GLYATL2: variants seen among roughly 807,000 people sequenced by gnomAD.
GLYATL2 encodes the protein glycine-N-acyltransferase like 2, also known as glycine N-acyltransferase-like protein 2.
Under a neutral mutation model 21.4 loss-of-function variants are expected in GLYATL2, and 25 were observed. The observed-to-expected ratio is 1.17, with a 90% CI of 0.85 to 1.63. The LOEUF (loss-of-function observed/expected upper bound fraction) is 1.63, where lower values mean the gene tolerates loss of function less well. Ranked by LOEUF, GLYATL2 falls within the 40% of genes most tolerant of loss-of-function variation. The pLI, the probability that GLYATL2 is intolerant of heterozygous loss-of-function variation, is 0.00. For missense variants in GLYATL2, 361 were observed against 343.3 expected, an observed-to-expected ratio of 1.05 and a Z score of -0.41; for synonymous variants, 114 against 118.2, an observed-to-expected ratio of 0.96 and a Z score of 0.23.
At chr11:58,847,006 C>T (rs1478816404), upstream of GLYATL2, among the ~76,000 whole-genome samples, 9 of 152,056 alleles carry the variant, frequency 5.9e-5, no homozygotes, top group Non-Finnish European at 5.9e-5. Context: ...AGCTCAGCCA[C>T]AACAGGATAA....
At chr11:58,849,713 A>G (rs1036060623) in intron 1 of GLYATL2, among the ~76,000 whole-genome samples, 36 of 152,336 alleles carry the variant, frequency 2.4e-4, no homozygotes, top group African/African-American at 8.2e-4. Flanking sequence ...GCATGTTCTC[A>G]CTTATAAGTG....
chr11:58,850,692 G>A lies in GLYATL2; in HGVS notation n.61-12324C>T, dbSNP rs149074228. On this transcript the variant is annotated intron_variant and non_coding_transcript_variant, in intron 1 of 4. Transcript: ENST00000533636. ...CATTACCAAGTGGACATGGTCTAGC[G>A]GTAGCATCAGTGCCAAGGAAAAGCA... Among the ~76,000 whole-genome samples, 984 of 151,790 alleles carry A rather than the reference G, an allele frequency of 6.5e-3. 24 individuals carry two copies. The highest frequency in any genetic ancestry group is 0.055 in the Admixed American group (839 of 15,236).
At chr11:58,891,668 G>T (rs1854546181) in intron 1 of GLYATL2, among the ~76,000 whole-genome samples, 1 of 152,128 alleles carries the variant, frequency 6.6e-6, no homozygotes, top group Non-Finnish European at 1.5e-5. Flanking sequence ...AAAAATTAGA[G>T]AAATCACAGT....
At chr11:58,852,554 G>C (rs542213119) in intron 1 of GLYATL2, among the ~76,000 whole-genome samples, 21 of 152,220 alleles carry the variant, frequency 1.4e-4, no homozygotes, top group African/African-American at 5.1e-4. Context: ...ACATTTTATG[G>C]AGCAGGAAAT....
intron 1 of GLYATL2, among the ~76,000 whole-genome samples, chr11:58,851,314 C>A (rs1221245110): frequency 3.3e-5 from 5 of 152,144 alleles, no homozygotes; most frequent in Non-Finnish European, 7.3e-5. Context: ...GTGGGGCTGG[C>A]CACTACCCTT....
chr11:58,835,939 A>C (rs182235951), intron 5 of GLYATL2, among the ~76,000 whole-genome samples: 1 of 152,276 alleles, frequency 6.6e-6, no homozygotes, highest in African/African-American at 2.4e-5. Context: ...GGATTTGAAG[A>C]GTGTTGACTT....
At chr11:58,871,766 C>T (rs1283212691) in intron 1 of GLYATL2, among the ~76,000 whole-genome samples, 1 of 152,014 alleles carries the variant, frequency 6.6e-6, no homozygotes, top group African/African-American at 2.4e-5. Flanking sequence ...GTCTTTATAG[C>T]AGCATGATTT....
chr11:58,906,643 G>A (rs1854894191), upstream of GLYATL2, among the ~76,000 whole-genome samples: 1 of 152,138 alleles, frequency 6.6e-6, no homozygotes, highest in South Asian at 2.1e-4. Flanking sequence ...ATTTCTCCCC[G>A]GGGCAGAGAT....
chr11:58,846,567 T>C (rs956894039), upstream of GLYATL2, among the ~76,000 whole-genome samples: 1 of 151,792 alleles, frequency 6.6e-6, no homozygotes, highest in African/African-American at 2.4e-5. Flanking sequence ...CTCATTGCTG[T>C]CATGTTAGAC....
At chr11:58,896,641 A>G (rs1444165451) in intron 1 of GLYATL2, among the ~76,000 whole-genome samples, 2 of 152,210 alleles carry the variant, frequency 1.3e-5, no homozygotes, top group Non-Finnish European at 2.9e-5. Flanking sequence ...AAGATGGAGT[A>G]GGGACGGGTT....
intron 1 of GLYATL2, among the ~76,000 whole-genome samples, chr11:58,894,524 T>TA (rs1354368735): frequency 3.4e-5 from 5 of 149,018 alleles, no homozygotes; most frequent in Middle Eastern, 3.5e-3. Flanking sequence ...AATCTAGATT[T>TA]AAAAAAACAA....
chr11:58,838,375 T>A lies in GLYATL2; in HGVS notation c.79-7A>T. On this transcript the variant is annotated splice_polypyrimidine_tract_variant and splice_region_variant and intron_variant, in intron 2 of 5. Coordinates refer to ENST00000287275, the MANE Select transcript of GLYATL2 (RefSeq NM_145016.4). ...TGAAAATGGCGCCATATACCTACGA[T>A]GCAACAGAACAAAGCAGGAGAGGAT... is the stretch of plus-strand genomic sequence containing the variant. 6.4e-7 allele frequency: 1 copy of A among 1,562,812 alleles called. No individual in the cohort carries two copies. Among genetic ancestry groups the A allele is most frequent in the East Asian group, 2.2e-5 (1 of 44,600 alleles).
At chr11:58,886,566 A>G (rs1394567866) in intron 1 of GLYATL2, among the ~76,000 whole-genome samples, 1 of 152,242 alleles carries the variant, frequency 6.6e-6, no homozygotes, top group African/African-American at 2.4e-5. Flanking sequence ...CAAGGTTTAA[A>G]TGAGATACTG....
intron 3 of GLYATL2, among the ~76,000 whole-genome samples, chr11:58,837,904 C>T (rs779726625): frequency 2.6e-5 from 4 of 152,170 alleles, no homozygotes; most frequent in Admixed American, 6.5e-5. Flanking sequence ...ATATGCCTGC[C>T]TACCCTCTGC....
At chr11:58,839,035 G>A (rs143878729) in intron 2 of GLYATL2, among the ~76,000 whole-genome samples, 8 of 152,260 alleles carry the variant, frequency 5.3e-5, no homozygotes, top group Middle Eastern at 3.4e-3. Flanking sequence ...ATGATATCAT[G>A]CCTACTGAAC....
At chr11:58,890,565 TA>T (rs1854524628) in intron 1 of GLYATL2, among the ~76,000 whole-genome samples, 1 of 152,172 alleles carries the variant, frequency 6.6e-6, no homozygotes, top group Non-Finnish European at 1.5e-5. Flanking sequence ...GTCCACTTTT[TA>T]AAGGGTAGAT....
At chr11:58,847,393 T>C (rs1320378020), upstream of GLYATL2, among the ~76,000 whole-genome samples, 2 of 152,188 alleles carry the variant, frequency 1.3e-5, no homozygotes, top group Non-Finnish European at 2.9e-5. Flanking sequence ...AAGTGGGCTC[T>C]TGACATCCCC....
chr11:58,893,081 CT>C, intron 1 of GLYATL2: 1 of 398,654 alleles, frequency 2.5e-6, no homozygotes, highest in Non-Finnish European at 4.8e-6. Flanking sequence ...CTGGGTGTCT[CT>C]TATTCTGGGC....
intron 1 of GLYATL2, among the ~76,000 whole-genome samples, chr11:58,871,619 T>A (rs1350219647): frequency 6.6e-6 from 1 of 152,160 alleles, no homozygotes; most frequent in African/African-American, 2.4e-5. Context: ...GAACTCATCC[T>A]TTTTTATGGC....
Sources: gnomAD v4.1 joint callset for allele counts (sites outside exome capture counted in the v4.1 genomes callset) on GRCh38, gnomAD v4.1.1 for gene constraint, MANE v1.5 for transcripts, NCBI Gene and HGNC (gene_info 2026-07-23, HGNC 2026-07-21) for gene names.